Variants in FOXP1 observed in about 807,000 individuals in gnomAD.
FOXP1 encodes forkhead box P1.
Under a neutral mutation model 98.2 loss-of-function variants are expected in FOXP1, and 15 were observed. The ratio of observed to expected loss-of-function variants is 0.15; its 90% confidence interval spans 0.10 to 0.24. The LOEUF (loss-of-function observed/expected upper bound fraction) is 0.24, where lower values mean the gene tolerates loss of function less well. Among genes scored for constraint, FOXP1 ranks in the 10% least tolerant of loss-of-function variants. FOXP1 has a pLI of 1.00. For synonymous variants in FOXP1, 371 were observed against 314.5 expected, an observed-to-expected ratio of 1.18 and a Z score of -1.90; for missense variants, 633 against 848.5, an observed-to-expected ratio of 0.75 and a Z score of 3.15.
At chr3:71,124,384 A>G (rs1322643451) in intron 6 of FOXP1, among the ~76,000 whole-genome samples, 1 of 151,888 alleles carries the variant, frequency 6.6e-6, no homozygotes, top group East Asian at 1.9e-4. Flanking sequence ...TGGAAAAAAG[A>G]ATATTTAAAA....
chr3:71,125,215 C>T (rs1399851614), intron 6 of FOXP1, among the ~76,000 whole-genome samples: 1 of 152,186 alleles, frequency 6.6e-6, no homozygotes, highest in South Asian at 2.1e-4. Context: ...GTAACTAACA[C>T]TGAATCCCAA....
At chr3:70,982,015 TTC>T (rs1354403663) in intron 14 of FOXP1, among the ~76,000 whole-genome samples, 2 of 152,182 alleles carry the variant, frequency 1.3e-5, no homozygotes, top group Non-Finnish European at 2.9e-5. Context: ...ACTTTTAAAC[TTC>T]TGTTTGATGA....
At chr3:71,396,296 G>A (rs1374279399) in intron 3 of FOXP1, among the ~76,000 whole-genome samples, 2 of 152,160 alleles carry the variant, frequency 1.3e-5, no homozygotes, top group African/African-American at 2.4e-5. Flanking sequence ...TGTGGTGCCC[G>A]ATGATTGCAA....
At chr3:70,966,204 T>A (rs1307237800) in intron 19 of FOXP1, 148 bp from the exon 20 acceptor site, 1 of 821,818 alleles carries the variant, frequency 1.2e-6, no homozygotes, top group African/African-American at 1.7e-5. Flanking sequence ...TGAAAGATTT[T>A]GCTTTAAAAA....
intron 3 of FOXP1, among the ~76,000 whole-genome samples, chr3:71,453,028 T>C (rs907763646): frequency 6.6e-6 from 1 of 152,186 alleles, no homozygotes; most frequent in Non-Finnish European, 1.5e-5. Flanking sequence ...AGTTCTTTAC[T>C]CTTCTCACCC....
chr3:71,013,980 A>G (rs2044058716), intron 12 of FOXP1, among the ~76,000 whole-genome samples: 1 of 152,142 alleles, frequency 6.6e-6, no homozygotes, highest in Non-Finnish European at 1.5e-5. Context: ...CCTTCCTTAC[A>G]CCTTATACAA....
At chr3:71,483,179 T>C (rs1357922956) in intron 3 of FOXP1, among the ~76,000 whole-genome samples, 1 of 152,152 alleles carries the variant, frequency 6.6e-6, no homozygotes, top group African/African-American at 2.4e-5. Flanking sequence ...CTTTGACTTG[T>C]CTTCCCTTTT....
intron 12 of FOXP1, among the ~76,000 whole-genome samples, chr3:71,008,760 T>A (rs998747329): frequency 1.3e-5 from 2 of 152,086 alleles, no homozygotes; most frequent in Admixed American, 6.6e-5. Flanking sequence ...GGCCCTGTGG[T>A]ATACCTCACC....
intron 6 of FOXP1, among the ~76,000 whole-genome samples, chr3:71,140,892 T>C (rs1374330166): frequency 6.6e-6 from 1 of 151,066 alleles, no homozygotes; most frequent in African/African-American, 2.4e-5. Flanking sequence ...GGTGGGAGGA[T>C]CTCTTGAGCT....
chr3:71,401,067 CA>C, intron 3 of FOXP1, among the ~76,000 whole-genome samples: 1 of 152,102 alleles, frequency 6.6e-6, no homozygotes, highest in Non-Finnish European at 1.5e-5. Flanking sequence ...CACCCCCACT[CA>C]AAAAACTTTG....
At chr3:71,187,826 C>G (rs537675795) in intron 6 of FOXP1, among the ~76,000 whole-genome samples, 2 of 152,102 alleles carry the variant, frequency 1.3e-5, no homozygotes, top group African/African-American at 2.4e-5. Context: ...GAAAGGTAAG[C>G]AATATTATCA....
intron 11 of FOXP1, among the ~76,000 whole-genome samples, chr3:71,019,586 T>C (rs1156255861): frequency 6.6e-6 from 1 of 152,068 alleles, no homozygotes; most frequent in African/African-American, 2.4e-5. Context: ...TTCCAGCACT[T>C]TGGGAGGCCG....
intron 6 of FOXP1, among the ~76,000 whole-genome samples, chr3:71,121,387 G>A (rs899701737): frequency 6.6e-6 from 1 of 151,422 alleles, no homozygotes; most frequent in Non-Finnish European, 1.5e-5. Flanking sequence ...AAAGGGGGGG[G>A]GGATATCTAT....
intron 3 of FOXP1, among the ~76,000 whole-genome samples, chr3:71,474,385 T>G (rs572387142): frequency 6.6e-6 from 1 of 152,170 alleles, no homozygotes; most frequent in Non-Finnish European, 1.5e-5. Context: ...TCTAGACAGA[T>G]TTCTGACCCT....
intron 7 of FOXP1, among the ~76,000 whole-genome samples, chr3:71,068,587 T>C (rs1346820241): frequency 6.6e-6 from 1 of 152,186 alleles, no homozygotes; most frequent in Admixed American, 6.5e-5. Flanking sequence ...AACTGTGTGA[T>C]CAGAGGCCAA....
rs185330316 is a variant in FOXP1 at position 70,983,198 on chromosome 3, C to T, written c.1146+4796G>A. ...TGGCCCTGTTTTAGAGAAGCGAACT[C>T]GTGGAAGGTTATGACTTACTTAGAA... On this transcript the variant is annotated intron_variant, in intron 14 of 20. Coordinates refer to ENST00000649528, the MANE Select transcript of FOXP1 (RefSeq NM_001349338.3). Among the ~76,000 whole-genome samples the T allele has an allele frequency of 2.1e-4, 32 of 151,148 alleles. 1 individual carries two copies. The East Asian group carries it at 6.3e-3, about 30-fold the overall frequency.
intron 7 of FOXP1, chr3:71,065,718 C>A (rs955936915): frequency 2.6e-5 from 4 of 152,200 alleles, no homozygotes; most frequent in African/African-American, 9.6e-5. Flanking sequence ...CTTTAAATTC[C>A]TTTCTTATTT....
At chr3:71,116,144 G>T (rs1292297205) in intron 6 of FOXP1, among the ~76,000 whole-genome samples, 1 of 152,172 alleles carries the variant, frequency 6.6e-6, no homozygotes, top group Non-Finnish European at 1.5e-5. Flanking sequence ...TCTACAGAAT[G>T]ATCACACATT....
At chr3:71,335,968 C>G (rs1270153965) in intron 4 of FOXP1, among the ~76,000 whole-genome samples, 1 of 132,264 alleles carries the variant, frequency 7.6e-6, no homozygotes, top group Non-Finnish European at 1.5e-5. Context: ...CAAGATCGTG[C>G]CATTGCACTC....
Sources: gnomAD v4.1 joint callset for allele counts (sites outside exome capture counted in the v4.1 genomes callset) on GRCh38, gnomAD v4.1.1 for gene constraint, MANE v1.5 for transcripts, NCBI Gene and HGNC (gene_info 2026-07-23, HGNC 2026-07-21) for gene names.